Variants in PRKN observed in about 807,000 individuals in gnomAD.
The protein encoded by PRKN is parkin RBR E3 ubiquitin protein ligase, also known as E3 ubiquitin-protein ligase parkin.
A neutral mutation model predicts 59.5 loss-of-function variants in PRKN; 56 were observed. The observed-to-expected ratio is 0.94, with a 90% CI of 0.76 to 1.18. PRKN has a LOEUF of 1.18. PRKN is among the 50% of genes most tolerant of loss of function. PRKN has a pLI of 0.00. For missense variants in PRKN, 657 were observed against 596.4 expected (o/e 1.10, Z -1.06); for synonymous variants, 250 against 222.1 (o/e 1.13, Z -1.12).
intron 2 of PRKN, among the ~76,000 whole-genome samples, chr6:162,362,711 C>T (rs1427723983): frequency 2.0e-5 from 3 of 152,070 alleles, no homozygotes; most frequent in African/African-American, 2.4e-5. Flanking sequence ...TATTCCCTTC[C>T]AAAACCAACT....
In PRKN at chr6:162,050,489, C is replaced by T. The variant is rs146320073; in HGVS notation, c.618+3602G>A. Among the ~76,000 whole-genome samples, 35 of 147,770 alleles carry T rather than the reference C, an allele frequency of 2.4e-4. No individual in the cohort carries two copies. In the East Asian group the frequency reaches 6.0e-3, roughly 25 times the overall value. ...CACCCCCTCTCTTTTTTTTTCATCT[C>T]TCAATTTGGCATTTTGTATTTCAGT... On this transcript the variant is annotated intron_variant, in intron 5 of 11. Coordinates refer to ENST00000366898, the MANE Select transcript of PRKN (RefSeq NM_004562.3).
chr6:162,612,769 G>A (rs898844558), intron 1 of PRKN, among the ~76,000 whole-genome samples: 23 of 152,206 alleles, frequency 1.5e-4, no homozygotes, highest in Middle Eastern at 6.8e-3. Flanking sequence ...GCCCTAAGTG[G>A]TGAAAAATCG....
At chr6:161,568,319 C>T (rs918026721) in intron 8 of PRKN, among the ~76,000 whole-genome samples, 1 of 152,178 alleles carries the variant, frequency 6.6e-6, no homozygotes, top group African/African-American at 2.4e-5. Flanking sequence ...CTGGGCTGGG[C>T]GTGATGGCTC....
chr6:161,844,565 G>T (rs952327490), intron 6 of PRKN, among the ~76,000 whole-genome samples: 1 of 152,198 alleles, frequency 6.6e-6, no homozygotes, highest in Non-Finnish European at 1.5e-5. Flanking sequence ...CACAACTGAG[G>T]AACTGAGTTT....
intron 5 of PRKN, among the ~76,000 whole-genome samples, chr6:162,004,600 T>C (rs967601198): frequency 6.6e-6 from 1 of 152,132 alleles, no homozygotes; most frequent in Non-Finnish European, 1.5e-5. Context: ...CCAGCGTAGG[T>C]AATATAAACA....
intron 6 of PRKN, among the ~76,000 whole-genome samples, chr6:161,965,333 G>A (rs1780536343): frequency 6.6e-6 from 1 of 152,070 alleles, no homozygotes; most frequent in Admixed American, 6.5e-5. Context: ...AAATAACATG[G>A]TAGAACAGAT....
chr6:162,446,358 A>AT (rs1237231235), intron 1 of PRKN, among the ~76,000 whole-genome samples: 2 of 152,188 alleles, frequency 1.3e-5, no homozygotes, highest in African/African-American at 4.8e-5. Flanking sequence ...ATAAAACCAG[A>AT]TAAAAATTCC....
intron 1 of PRKN, among the ~76,000 whole-genome samples, chr6:162,676,090 A>G (rs1249333027): frequency 6.6e-6 from 1 of 152,208 alleles, no homozygotes; most frequent in African/African-American, 2.4e-5. Context: ...AGGTCGTCTA[A>G]GCTTTTCATA....
At position 162,560,996 on chromosome 6, in the gene PRKN, G is replaced by GT. The variant is rs540643585; in HGVS notation, c.8-117524dup. 9.4e-4 allele frequency among the ~76,000 whole-genome samples: 143 copies of GT among 152,168 alleles called. 1 individual carries two copies. Among genetic ancestry groups the GT allele is most frequent in the Middle Eastern group, 3.4e-3 (1 of 294 alleles). On this transcript the variant is annotated intron_variant, in intron 1 of 11. Coordinates refer to ENST00000366898, the MANE Select transcript of PRKN (RefSeq NM_004562.3). Reference sequence around the variant, plus strand: ...AAAAGGGTCATGTCTGAGTTGAGCCGTAACTGAGGAGTATTTGACCAGATG... The same window carrying GT: ...AAAAGGGTCATGTCTGAGTTGAGCCGTTAACTGAGGAGTATTTGACCAGATG...
At chr6:162,258,207 C>T (rs908555156) in intron 3 of PRKN, among the ~76,000 whole-genome samples, 1 of 152,210 alleles carries the variant, frequency 6.6e-6, no homozygotes, top group Admixed American at 6.5e-5. Flanking sequence ...CTCGATAGAA[C>T]ACACACTTAC....
At chr6:162,031,101 T>A (rs1187442952) in intron 5 of PRKN, among the ~76,000 whole-genome samples, 6 of 152,164 alleles carry the variant, frequency 3.9e-5, no homozygotes, top group Non-Finnish European at 8.8e-5. Context: ...GACATTTTGA[T>A]AATGGAAAAT....
At chr6:162,494,731 C>T (rs1433958475) in intron 1 of PRKN, among the ~76,000 whole-genome samples, 3 of 152,188 alleles carry the variant, frequency 2.0e-5, no homozygotes, top group Non-Finnish European at 4.4e-5. Context: ...ACAGTAAATA[C>T]TGTGTTATTA....
rs1229945005 is a variant in PRKN, at chr6:161,391,054, C to T, written c.1084-4177G>A. Among the ~76,000 whole-genome samples the T allele has an allele frequency of 1.3e-5, 2 of 152,188 alleles. No individual in the cohort carries two copies. The highest frequency in any genetic ancestry group is 2.1e-4 in the South Asian group (1 of 4,808). On this transcript the variant is annotated intron_variant, in intron 9 of 11. Transcript: ENST00000366898. The surrounding 1 kb of genome is among the most constrained non-coding windows in gnomAD (Gnocchi z 4.9). ...CAAAACTCCTTCTTAAGACAGTGTT[C>T]GGGCCAGTTTGCAAACACTTCCCAT...
Position 161,554,946 on chromosome 6 carries a change from G to C in PRKN, c.934-5943C>G, listed in dbSNP as rs544491091. On this transcript the variant is annotated intron_variant, in intron 8 of 11. Coordinates refer to ENST00000366898, the MANE Select transcript of PRKN (RefSeq NM_004562.3). This position sits in a 1 kb window ranked among gnomAD's most constrained non-coding sequence, Gnocchi z 4.5. The stretch of plus-strand genomic sequence containing the variant: ...TTTAGAATCCAGGAATTTTGTTAGA[G>C]TATATCTTGGTGCTGGTCATTTCTG... 6.6e-6 allele frequency among the ~76,000 whole-genome samples: 1 copy of C among 152,104 alleles called. No individual in the cohort carries two copies. The highest frequency in any genetic ancestry group is 1.9e-4 in the East Asian group (1 of 5,170).
rs145270749 is a variant in PRKN, at chr6:162,475,091, T to A, written c.8-31618A>T. 9.4e-3 allele frequency among the ~76,000 whole-genome samples: 1,425 copies of A among 152,320 alleles called. 13 individuals are homozygous for A. The highest frequency in any genetic ancestry group is 0.024 in the Middle Eastern group (7 of 294). ...ATGCTTCACATAGAATTTGCCACTT[T>A]TTATCAGCAATATTAAAAATGATTA... is the stretch of plus-strand genomic sequence containing the variant. On this transcript the variant is annotated intron_variant, in intron 1 of 11. Transcript: ENST00000366898.
At position 162,251,951 on chromosome 6, in the gene PRKN, C is replaced by T. The variant is rs537917614; in HGVS notation, c.412+10574G>A. On this transcript the variant is annotated intron_variant, in intron 3 of 11. Coordinates refer to ENST00000366898, the MANE Select transcript of PRKN (RefSeq NM_004562.3). ...GTTGAACATCCTTCTAGATAATCTA[C>T]TGTGTATATCTGTAATATAATTTTA... Among the ~76,000 whole-genome samples, 4 of 152,276 alleles carry T rather than the reference C, an allele frequency of 2.6e-5. No individual in the cohort carries two copies. In the South Asian group the frequency reaches 8.3e-4, roughly 32 times the overall value.
rs1777877208 is a variant in PRKN at position 161,499,494 on chromosome 6, C to T, written c.1083+49360G>A. 6.6e-6 allele frequency among the ~76,000 whole-genome samples: 1 copy of T among 152,114 alleles called. No homozygotes were observed. The highest frequency in any genetic ancestry group is 1.5e-5 in the Non-Finnish European group (1 of 68,032). Reference sequence around the variant, plus strand: ...TTTCTCTCGTTCATGTCACCTGTTGCTTCTTATTGGCTTTGGAATGTGGGA... The same window carrying T: ...TTTCTCTCGTTCATGTCACCTGTTGTTTCTTATTGGCTTTGGAATGTGGGA... On this transcript the variant is annotated intron_variant, in intron 9 of 11. Transcript: ENST00000366898. The surrounding 1 kb of genome is among the most constrained non-coding windows in gnomAD (Gnocchi z 4.2).
At chr6:162,109,355 T>C (rs1780325922) in intron 4 of PRKN, among the ~76,000 whole-genome samples, 1 of 152,204 alleles carries the variant, frequency 6.6e-6, no homozygotes, top group Admixed American at 6.5e-5. Context: ...AGATCCTTTA[T>C]AAAATCCACT....
At position 161,429,930 on chromosome 6, in the gene PRKN, C is replaced by T. The variant is rs1291856300; in HGVS notation, c.1084-43053G>A. Among the ~76,000 whole-genome samples, 1 of 152,110 alleles carries T rather than the reference C, an allele frequency of 6.6e-6. No homozygotes were observed. The highest frequency in any genetic ancestry group is 1.5e-5 in the Non-Finnish European group (1 of 68,026). On this transcript the variant is annotated intron_variant, in intron 9 of 11. Transcript: ENST00000366898. The surrounding 1 kb of genome is among the most constrained non-coding windows in gnomAD (Gnocchi z 4.2). ...AGTTTTACGGAGGCCAGGAGAAGAC[C>T]AGAGGTTCCTGGGTCAGAGACAAAG...
Sources: gnomAD v4.1 joint callset for allele counts (sites outside exome capture counted in the v4.1 genomes callset) on GRCh38, gnomAD v4.1.1 for gene constraint, Gnocchi (gnomAD v3.1) non-coding constraint, MANE v1.5 for transcripts, NCBI Gene and HGNC (gene_info 2026-07-23, HGNC 2026-07-21) for gene names.